Variants in GRM8 observed in about 807,000 individuals in gnomAD.
GRM8 encodes metabotropic glutamate receptor 8.
A neutral mutation model predicts 87.2 loss-of-function variants in GRM8; 47 were observed. The observed-to-expected ratio is 0.54, with a 90% CI of 0.43 to 0.69. GRM8 has a LOEUF of 0.69. GRM8 is among the 30% of genes least tolerant of loss of function. The probability of loss-of-function intolerance (pLI) is 0.00; values close to 1 mark genes in which losing one functional copy is unlikely to be tolerated. For synonymous variants in GRM8, 396 were observed against 404.5 expected (o/e 0.98, Z 0.25); for missense variants, 1,019 against 1,139.2 (o/e 0.89, Z 1.52).
chr7:126,808,872 T>A (rs968153537), intron 6 of GRM8, among the ~76,000 whole-genome samples: 4 of 152,190 alleles, frequency 2.6e-5, no homozygotes, highest in Admixed American at 2.0e-4. Flanking sequence ...CTACCACAGA[T>A]AAAGCTCCTG....
chr7:126,481,012 A>G (rs1254231951), intron 9 of GRM8, among the ~76,000 whole-genome samples: 1 of 152,136 alleles, frequency 6.6e-6, no homozygotes, highest in African/African-American at 2.4e-5. Context: ...CCAAAGGTAA[A>G]CAGGAGCCAT....
chr7:126,862,332 T>C (rs1221691688), intron 6 of GRM8, among the ~76,000 whole-genome samples: 1 of 152,024 alleles, frequency 6.6e-6, no homozygotes, highest in Admixed American at 6.5e-5. Flanking sequence ...AGATATCTTA[T>C]AGGCATGTTA....
intron 2 of GRM8, among the ~76,000 whole-genome samples, chr7:127,164,275 G>A (rs1793304028): frequency 6.6e-6 from 1 of 152,146 alleles, no homozygotes; most frequent in African/African-American, 2.4e-5. Context: ...TGTACAGCCT[G>A]CAGAACCATG....
intron 2 of GRM8, among the ~76,000 whole-genome samples, chr7:127,145,216 G>C (rs1465968134): frequency 6.6e-6 from 1 of 152,028 alleles, no homozygotes; most frequent in Non-Finnish European, 1.5e-5. Context: ...ATCTCTTCTT[G>C]CAAACATGGT....
intron 7 of GRM8, among the ~76,000 whole-genome samples, chr7:126,761,397 C>G (rs1305475076): frequency 6.6e-6 from 1 of 152,076 alleles, no homozygotes; most frequent in African/African-American, 2.4e-5. Flanking sequence ...AGTCATCATT[C>G]AAATAATTCT....
chr7:126,715,148 A>G (rs1440955449), intron 7 of GRM8, among the ~76,000 whole-genome samples: 1 of 152,210 alleles, frequency 6.6e-6, no homozygotes, highest in Non-Finnish European at 1.5e-5. Context: ...CAAGGTTTAC[A>G]GTATTGCACT....
chr7:127,157,388 C>T (rs557552160), intron 2 of GRM8, among the ~76,000 whole-genome samples: 2 of 152,078 alleles, frequency 1.3e-5, no homozygotes, highest in South Asian at 2.1e-4. Context: ...ATCACTTTGG[C>T]AATCTGGTGA....
chr7:127,152,930 T>C (rs933500263), intron 2 of GRM8, among the ~76,000 whole-genome samples: 3 of 152,166 alleles, frequency 2.0e-5, no homozygotes, highest in South Asian at 2.1e-4. Context: ...ATTCCATTTG[T>C]AGAACAAATT....
intron 8 of GRM8, among the ~76,000 whole-genome samples, chr7:126,537,047 T>C (rs946666558): frequency 6.6e-6 from 1 of 152,218 alleles, no homozygotes; most frequent in Non-Finnish European, 1.5e-5. Context: ...TTTATCATTA[T>C]AAGCTAAATG....
At chr7:127,192,875 C>T (rs1400616578) in intron 2 of GRM8, among the ~76,000 whole-genome samples, 1 of 152,212 alleles carries the variant, frequency 6.6e-6, no homozygotes, top group Non-Finnish European at 1.5e-5. Flanking sequence ...TCTGGCCAGA[C>T]TGACCTATTT....
intron 9 of GRM8, among the ~76,000 whole-genome samples, chr7:126,523,979 CA>C (rs1429517866): frequency 6.6e-6 from 1 of 152,030 alleles, no homozygotes; most frequent in Non-Finnish European, 1.5e-5. Flanking sequence ...AATATCAATT[CA>C]AAAAGCAATT....
intron 9 of GRM8, among the ~76,000 whole-genome samples, chr7:126,458,364 T>C (rs1803500882): frequency 6.6e-6 from 1 of 151,070 alleles, no homozygotes; most frequent in South Asian, 2.1e-4. Context: ...GCCAGGAAAA[T>C]GTAAACAAAG....
At chr7:127,055,647 C>A (rs1353923093) in intron 3 of GRM8, among the ~76,000 whole-genome samples, 2 of 150,532 alleles carry the variant, frequency 1.3e-5, no homozygotes, top group African/African-American at 2.4e-5. Flanking sequence ...AATCTGCTAC[C>A]CATCCCCAAA....
Position 126,484,818 on chromosome 7 carries a change from T to A in GRM8, c.2431-38446A>T, listed in dbSNP as rs1027694357. 2.0e-5 allele frequency among the ~76,000 whole-genome samples: 3 copies of A among 151,772 alleles called. No individual in the cohort carries two copies. The East Asian group carries it at 5.8e-4, about 29-fold the overall frequency. Reference sequence around the variant, plus strand: ...CGTGCTATTAAAAATATTAAATAACTGACCCCATTTTTGGAAAGCTGGGTA... The same window carrying A: ...CGTGCTATTAAAAATATTAAATAACAGACCCCATTTTTGGAAAGCTGGGTA... On this transcript the variant is annotated intron_variant, in intron 9 of 10. Coordinates refer to ENST00000339582, the MANE Select transcript of GRM8 (RefSeq NM_000845.3).
chr7:126,681,769 A>G (rs1394505641), intron 7 of GRM8, among the ~76,000 whole-genome samples: 1 of 152,258 alleles, frequency 6.6e-6, no homozygotes, highest in Non-Finnish European at 1.5e-5. Flanking sequence ...CAAGAGCACA[A>G]TAGCTTCAAT....
chr7:126,680,680 T>C (rs1807446139), intron 7 of GRM8, among the ~76,000 whole-genome samples: 1 of 152,234 alleles, frequency 6.6e-6, no homozygotes, highest in Non-Finnish European at 1.5e-5. Context: ...TATCATTGTC[T>C]ATCTGCCCTG....
At chr7:127,098,121 C>T (rs1824859621) in intron 3 of GRM8, among the ~76,000 whole-genome samples, 1 of 152,182 alleles carries the variant, frequency 6.6e-6, no homozygotes. Flanking sequence ...CTCAGCCCTC[C>T]TTTGAAGTTA....
intron 2 of GRM8, among the ~76,000 whole-genome samples, chr7:127,206,511 A>G (rs1303326330): frequency 6.6e-6 from 1 of 152,118 alleles, no homozygotes. Flanking sequence ...TTTTTCTGAT[A>G]TATATGAAAA....
At chr7:126,721,750 T>C (rs1422253946) in intron 7 of GRM8, among the ~76,000 whole-genome samples, 2 of 152,076 alleles carry the variant, frequency 1.3e-5, no homozygotes, top group Non-Finnish European at 2.9e-5. Flanking sequence ...TCCCTCTACC[T>C]GTATTAAACT....
Sources: allele counts gnomAD v4.1 joint callset (sites outside exome capture counted in the v4.1 genomes callset), GRCh38; gene constraint gnomAD v4.1.1; transcripts MANE v1.5; gene names NCBI Gene and HGNC (gene_info 2026-07-23, HGNC 2026-07-21).